Variants in SEM1 observed in about 807,000 individuals in gnomAD.
The protein encoded by SEM1 is 26S proteasome complex subunit SEM1.
In SEM1, 3 loss-of-function variants were observed where a neutral mutation model predicts 12.7. The observed-to-expected ratio is 0.24, with a 90% CI of 0.11 to 0.61. The LOEUF (loss-of-function observed/expected upper bound fraction) is 0.61, where lower values mean the gene tolerates loss of function less well. Ranked by LOEUF, SEM1 falls within the 20% of genes least tolerant of loss-of-function variation. SEM1 has a pLI of 0.88. For synonymous variants in SEM1, 30 were observed against 27.8 expected (o/e 1.08, Z -0.25); for missense variants, 59 against 81.3 (o/e 0.73, Z 1.06).
chr7:96,665,529 T>C (rs1789147968), intron 2 of SEM1, among the ~76,000 whole-genome samples: 1 of 152,210 alleles, frequency 6.6e-6, no homozygotes, highest in Non-Finnish European at 1.5e-5. Context: ...AGAAAAATAC[T>C]CTTTTTATGG....
intron 2 of SEM1, among the ~76,000 whole-genome samples, chr7:96,631,797 T>C (rs1430672347): frequency 6.6e-6 from 1 of 152,130 alleles, no homozygotes; most frequent in Non-Finnish European, 1.5e-5. Flanking sequence ...ATTTTTGCAA[T>C]GTATCCATCT....
At chr7:96,704,193 T>C (rs1790371882) in intron 1 of SEM1, among the ~76,000 whole-genome samples, 1 of 152,082 alleles carries the variant, frequency 6.6e-6, no homozygotes, top group Non-Finnish European at 1.5e-5. Flanking sequence ...GTATGTCTTC[T>C]GTGTATGTAT....
At chr7:96,626,394 G>A (rs967061786) in intron 2 of SEM1, among the ~76,000 whole-genome samples, 12 of 152,116 alleles carry the variant, frequency 7.9e-5, no homozygotes, top group African/African-American at 2.4e-4. Context: ...TACATCGTAT[G>A]TAAGTACTAC....
chr7:96,678,427 G>C (rs1265682374), intron 2 of SEM1, among the ~76,000 whole-genome samples: 1 of 152,124 alleles, frequency 6.6e-6, no homozygotes, highest in African/African-American at 2.4e-5. Context: ...GTTGTACCCT[G>C]AATCTGGACA....
At chr7:96,678,073 A>T (rs1225828072) in intron 2 of SEM1, among the ~76,000 whole-genome samples, 1 of 152,140 alleles carries the variant, frequency 6.6e-6, no homozygotes, top group Admixed American at 6.6e-5. Flanking sequence ...TTCTTTTGCA[A>T]TGTTATTTGT....
At chr7:96,563,673 A>G (rs1402671025) in intron 2 of SEM1, among the ~76,000 whole-genome samples, 1 of 152,154 alleles carries the variant, frequency 6.6e-6, no homozygotes, top group African/African-American at 2.4e-5. Context: ...ACTCATTAAC[A>G]TTAAGGTTTG....
At chr7:96,564,191 T>A (rs1000876373) in intron 2 of SEM1, among the ~76,000 whole-genome samples, 4 of 152,124 alleles carry the variant, frequency 2.6e-5, no homozygotes, top group African/African-American at 9.7e-5. Context: ...TGAGTCGATT[T>A]TGATGATTTA....
chr7:96,515,045 A>G (rs1425135850), intron 2 of SEM1, among the ~76,000 whole-genome samples: 1 of 152,276 alleles, frequency 6.6e-6, no homozygotes, highest in Non-Finnish European at 1.5e-5. Context: ...AAGAGTATGA[A>G]GAGATCAATG....
At chr7:96,505,464 G>C (rs1250851976) in intron 3 of SEM1, among the ~76,000 whole-genome samples, 2 of 152,100 alleles carry the variant, frequency 1.3e-5, no homozygotes, top group African/African-American at 4.8e-5. Flanking sequence ...ATTAGTTCAT[G>C]AAAGGTTGCA....
At chr7:96,634,665 G>A (rs902848946) in intron 2 of SEM1, among the ~76,000 whole-genome samples, 1 of 150,968 alleles carries the variant, frequency 6.6e-6, no homozygotes, top group Non-Finnish European at 1.5e-5. Context: ...TTTGACTTGA[G>A]GAGGTGACAT....
intron 2 of SEM1, among the ~76,000 whole-genome samples, chr7:96,568,641 A>G (rs10155836): frequency 0.96 from 145,803 of 151,826 alleles, 70,219 homozygotes; most frequent in Non-Finnish European, 0.99. Context: ...GTTTCAGTAT[A>G]TATTGTTTTT....
chr7:96,548,058 G>T (rs1464230230), intron 2 of SEM1, among the ~76,000 whole-genome samples: 1 of 152,082 alleles, frequency 6.6e-6, no homozygotes, highest in Non-Finnish European at 1.5e-5. Flanking sequence ...CAAACATGAG[G>T]TATGATATTT....
chr7:96,649,474 C>T (rs1256814340), intron 2 of SEM1: 1 of 152,106 alleles, frequency 6.6e-6, no homozygotes, highest in Admixed American at 6.5e-5. Flanking sequence ...AATATCTAGC[C>T]GGTCCAATCC....
chr7:96,511,811 T>G (rs1441934393), intron 2 of SEM1, among the ~76,000 whole-genome samples: 1 of 152,122 alleles, frequency 6.6e-6, no homozygotes, highest in African/African-American at 2.4e-5. Flanking sequence ...GGTTGCACAG[T>G]CTGTCCACTG....
At position 96,528,439 on chromosome 7, in the gene SEM1, G is replaced by T. The variant is rs182227981; in HGVS notation, c.171-21741C>A. Among the ~76,000 whole-genome samples the T allele has an allele frequency of 1.1e-4, 16 of 152,114 alleles. No homozygotes were observed. The East Asian group carries it at 2.1e-3, about 20-fold the overall frequency. ...ATTCCTGGACTCAAGCAATCTGCCC[G>T]CCTCAGCCTCCCAAAATGCTGGGAT... On this transcript the variant is annotated intron_variant and NMD_transcript_variant, in intron 2 of 3. Transcript: ENST00000466986.
At chr7:96,676,642 G>A (rs1288558051) in intron 2 of SEM1, among the ~76,000 whole-genome samples, 2 of 152,126 alleles carry the variant, frequency 1.3e-5, no homozygotes, top group African/African-American at 4.8e-5. Flanking sequence ...TCACGGAACG[G>A]TAAAGATGAC....
chr7:96,624,029 C>G (rs1322504050), intron 2 of SEM1, among the ~76,000 whole-genome samples: 2 of 152,096 alleles, frequency 1.3e-5, no homozygotes, highest in Non-Finnish European at 2.9e-5. Flanking sequence ...ATGATCTCCT[C>G]ATCTAAAGAT....
intron 1 of SEM1, among the ~76,000 whole-genome samples, chr7:96,705,970 CCAAAATCATAT>C (rs960717514): frequency 2.0e-5 from 3 of 152,154 alleles, no homozygotes; most frequent in African/African-American, 7.2e-5. Flanking sequence ...TTCAAAGCTT[CCAAAATCATAT>C]CAAAATCAAT....
chr7:96,608,642 T>G (rs970397020), intron 2 of SEM1, among the ~76,000 whole-genome samples: 1 of 152,172 alleles, frequency 6.6e-6, no homozygotes, highest in African/African-American at 2.4e-5. Context: ...TCTCCAAATA[T>G]TTGGACATAT....
Sources: allele counts gnomAD v4.1 joint callset (sites outside exome capture counted in the v4.1 genomes callset), GRCh38; gene constraint gnomAD v4.1.1; transcripts MANE v1.5; gene names NCBI Gene and HGNC (gene_info 2026-07-23, HGNC 2026-07-21).